Variants in FMN1 observed in about 807,000 individuals in gnomAD.
The protein encoded by FMN1 is formin-1.
FMN1 carries 110 observed loss-of-function variants against 132.4 expected under a neutral mutation model. The ratio of observed to expected loss-of-function variants is 0.83; its 90% CI spans 0.71 to 0.97. The LOEUF is 0.97. Among genes scored for constraint, FMN1 ranks in the 50% least tolerant of loss-of-function variants. The pLI, the probability that FMN1 is intolerant of heterozygous loss-of-function variation, is 0.00. For missense variants in FMN1, 1,792 were observed against 1,705.3 expected, an observed-to-expected ratio of 1.05 and a Z score of -0.90; for synonymous variants, 722 against 651.7, an observed-to-expected ratio of 1.11 and a Z score of -1.64.
intron 5 of FMN1, among the ~76,000 whole-genome samples, chr15:33,065,725 T>TA (rs2141249818): frequency 6.6e-6 from 1 of 152,350 alleles, no homozygotes; most frequent in Admixed American, 6.5e-5. Context: ...GGAGGAATGA[T>TA]AGTCATACAC....
chr15:32,840,660 C>T (rs565396784), intron 17 of FMN1, among the ~76,000 whole-genome samples: 3 of 152,206 alleles, frequency 2.0e-5, no homozygotes, highest in African/African-American at 7.2e-5. Context: ...GACAGGCAGT[C>T]GTGTGGGTGG....
intron 10 of FMN1, among the ~76,000 whole-genome samples, chr15:32,917,408 G>A (rs1254022080): frequency 6.6e-6 from 1 of 152,164 alleles, no homozygotes; most frequent in Non-Finnish European, 1.5e-5. Flanking sequence ...ACGCTTAAGG[G>A]CACCAATTAA....
At chr15:33,116,784 A>G (rs1186809579) in intron 4 of FMN1, among the ~76,000 whole-genome samples, 1 of 152,124 alleles carries the variant, frequency 6.6e-6, no homozygotes, top group African/African-American at 2.4e-5. Context: ...AATAGTCGAC[A>G]AAGTATAGGC....
At chr15:33,156,489 C>A (rs1964678955) in intron 3 of FMN1, among the ~76,000 whole-genome samples, 1 of 151,590 alleles carries the variant, frequency 6.6e-6, no homozygotes. Context: ...AGCCTTTTGC[C>A]ATGTTTCCCA....
intron 16 of FMN1, among the ~76,000 whole-genome samples, chr15:32,882,037 T>C (rs368062177): frequency 3.9e-5 from 6 of 152,076 alleles, no homozygotes; most frequent in African/African-American, 1.4e-4. Flanking sequence ...TCAGAGAAAC[T>C]GAAAAATATT....
intron 7 of FMN1, among the ~76,000 whole-genome samples, chr15:32,980,313 A>C: frequency 6.6e-6 from 1 of 151,992 alleles, no homozygotes. Context: ...GTTTGAAAAA[A>C]AAAAAAACAA....
At chr15:33,115,509 C>G (rs567135347) in intron 4 of FMN1, among the ~76,000 whole-genome samples, 1 of 149,788 alleles carries the variant, frequency 6.7e-6, no homozygotes, top group African/African-American at 2.5e-5. Flanking sequence ...CCCCCACACA[C>G]ACACGCACAC....
chr15:33,074,254 A>G (rs1339550092), intron 5 of FMN1, among the ~76,000 whole-genome samples: 1 of 152,218 alleles, frequency 6.6e-6, no homozygotes, highest in African/African-American at 2.4e-5. Flanking sequence ...AAATGGAGAC[A>G]ACACCTTGCT....
At chr15:33,144,081 T>C (rs1351879264) in intron 4 of FMN1, among the ~76,000 whole-genome samples, 1 of 152,222 alleles carries the variant, frequency 6.6e-6, no homozygotes, top group Non-Finnish European at 1.5e-5. Context: ...CAGAAATGAT[T>C]GGGAGGAAGA....
intron 4 of FMN1, among the ~76,000 whole-genome samples, chr15:33,119,752 G>C (rs542977121): frequency 1.1e-4 from 16 of 152,006 alleles, no homozygotes; most frequent in South Asian, 4.1e-4. Context: ...AAAACTGTTT[G>C]TACTATATTC....
intron 4 of FMN1, among the ~76,000 whole-genome samples, chr15:33,089,237 G>A (rs558105934): frequency 6.6e-6 from 1 of 152,276 alleles, no homozygotes; most frequent in African/African-American, 2.4e-5. Flanking sequence ...CTTACAGGTT[G>A]CATGGGTCAT....
In FMN1 at chr15:33,153,788, G is replaced by T; in HGVS notation, c.1127C>A (p.Ala376Asp). ...PKADLLTLPG[A>D]EAGAHGSRRQ... is the part of the protein sequence containing the mutation. ...CCTGGAGCCATGAGCCCCAGCCTCA[G>T]CTCCCGGGAGGGTGAGCAAGTCGGC... The change falls in exon 4 of 21, where the codon GCT (alanine) becomes GAT (aspartate). Residue 376 changes from alanine (A) to aspartate (D), a missense_variant. Coordinates refer to ENST00000616417, the MANE Select transcript of FMN1 (RefSeq NM_001277313.2). 1 of 1,536,356 alleles carries T rather than the reference G, an allele frequency of 6.5e-7. No individual in the cohort carries two copies. The highest frequency in any genetic ancestry group is 8.7e-7 in the Non-Finnish European group (1 of 1,146,960).
chr15:33,045,818 G>A (rs186466438), intron 6 of FMN1, among the ~76,000 whole-genome samples: 1 of 152,104 alleles, frequency 6.6e-6, no homozygotes, highest in African/African-American at 2.4e-5. Flanking sequence ...TGCACATGTA[G>A]GTAGGAAAAA....
chr15:33,193,378 G>C (rs987445917), intron 2 of FMN1, among the ~76,000 whole-genome samples: 9 of 152,158 alleles, frequency 5.9e-5, no homozygotes, highest in African/African-American at 2.2e-4. Context: ...ATGCTACCTG[G>C]TGTAGAGAAC....
intron 20 of FMN1, among the ~76,000 whole-genome samples, 174 bp from the exon 21 acceptor site, chr15:32,774,528 T>C (rs1477615816): frequency 6.6e-6 from 1 of 151,130 alleles, no homozygotes; most frequent in Non-Finnish European, 1.5e-5. Flanking sequence ...CCTCCCTACC[T>C]ATCACCCTTA....
chr15:33,000,341 C>A (rs1050050173), intron 7 of FMN1, among the ~76,000 whole-genome samples: 2 of 149,766 alleles, frequency 1.3e-5, no homozygotes, highest in Non-Finnish European at 3.0e-5. Flanking sequence ...CCCAGCTACT[C>A]GGGAGGCTGA....
At chr15:32,947,502 G>A (rs1279212765) in intron 9 of FMN1, among the ~76,000 whole-genome samples, 1 of 150,768 alleles carries the variant, frequency 6.6e-6, no homozygotes, top group Admixed American at 6.6e-5. Context: ...GTTGTTTTTT[G>A]AACATTTGTT....
At chr15:32,941,172 T>G (rs1488787901) in intron 9 of FMN1, among the ~76,000 whole-genome samples, 2 of 152,162 alleles carry the variant, frequency 1.3e-5, no homozygotes, top group Non-Finnish European at 2.9e-5. Flanking sequence ...TGCTTTAAGC[T>G]CCCAACTTGA....
At chr15:33,048,631 C>CAAAAAAAAAAA (rs768997793) in intron 6 of FMN1, among the ~76,000 whole-genome samples, 1 of 43,442 alleles carries the variant, frequency 2.3e-5, no homozygotes, top group African/African-American at 7.5e-5. Flanking sequence ...GGCAATTTAC[C>CAAAAAAAAAAA]AAAAAAAAAA....
Sources: allele counts gnomAD v4.1 joint callset (sites outside exome capture counted in the v4.1 genomes callset), GRCh38; gene constraint gnomAD v4.1.1; transcripts MANE v1.5; gene names NCBI Gene and HGNC (gene_info 2026-07-23, HGNC 2026-07-21).